SMAD9: variants seen among roughly 807,000 people sequenced by gnomAD.
SMAD9 encodes the protein MAD homolog 9.
A neutral mutation model predicts 46.1 loss-of-function variants in SMAD9; 36 were observed. That is an observed-to-expected ratio of 0.78 (90% CI 0.60 to 1.03). The LOEUF (loss-of-function observed/expected upper bound fraction) is 1.03, where lower values mean the gene tolerates loss of function less well. Ranked by LOEUF, SMAD9 falls within the 50% of genes least tolerant of loss-of-function variation. SMAD9 has a pLI of 0.00. For synonymous variants in SMAD9, 245 were observed against 237.1 expected, an observed-to-expected ratio of 1.03 and a Z score of -0.31; for missense variants, 572 against 599.8, an observed-to-expected ratio of 0.95 and a Z score of 0.48.
rs552330205 is a variant in SMAD9, at chr13:36,872,706, G to A, written c.622C>T (p.His208Tyr). 1 of 1,614,030 alleles carries A rather than the reference G, an allele frequency of 6.2e-7. No homozygotes were observed. The stretch of plus-strand genomic sequence containing the variant: ...GGCTCAGAAGGACTTCCTGGGGAGT[G>A]AGGGTAGCTGGCCGTGCACGGGGAC... The part of the protein sequence containing the change: ...SQSPCTASYP[H>Y]SPGSPSEPES... Residue 208 changes from histidine to tyrosine, a missense_variant, in exon 3 of 7, where the codon CAC becomes TAC. By Grantham distance (83) the His-to-Tyr change is moderately conservative. Transcript: ENST00000379826.
chr13:36,871,291 G>T (rs1041749479), intron 3 of SMAD9, among the ~76,000 whole-genome samples: 32 of 152,174 alleles, frequency 2.1e-4, no homozygotes, highest in Admixed American at 1.7e-3. Flanking sequence ...GCCGAGGTGG[G>T]CAGATCACCT....
At chr13:36,875,545 T>A (rs996498562) in intron 2 of SMAD9, among the ~76,000 whole-genome samples, 2 of 152,156 alleles carry the variant, frequency 1.3e-5, no homozygotes, top group Non-Finnish European at 2.9e-5. Flanking sequence ...TTCCCCTTAA[T>A]GTATTCATAT....
chr13:36,906,431 T>C (rs1247760374), intron 1 of SMAD9, among the ~76,000 whole-genome samples: 2 of 152,138 alleles, frequency 1.3e-5, no homozygotes, highest in African/African-American at 4.8e-5. Flanking sequence ...AACCATATTC[T>C]ATGCAAATCA....
chr13:36,859,336 T>C (rs531221234), intron 5 of SMAD9, among the ~76,000 whole-genome samples: 2 of 152,158 alleles, frequency 1.3e-5, no homozygotes, highest in South Asian at 2.1e-4. Flanking sequence ...TGAAACAGAG[T>C]GACTCCGTCT....
rs1370195864 is a variant in SMAD9, at chr13:36,848,159, CCTAT to C, written c.*513_*516del. The C allele has an allele frequency of 6.4e-6, 1 of 156,274 alleles. No homozygotes were observed. Among genetic ancestry groups the C allele is most frequent in the Non-Finnish European group, 1.4e-5 (1 of 70,712 alleles). The allele number at this position is 156,274 out of a possible 1,614,324, so 9.7% of individuals were successfully genotyped here. A position where few individuals can be genotyped will look rare whatever the true frequency, so the allele number is the denominator to read the frequency against. ...AACCTTAGAAATAAAGTTTCTATGG[CCTAT>C]CTCATTAATTCATTGTACAAGTTTG... On this transcript the variant is annotated 3_prime_UTR_variant, in exon 7 of 7. Transcript: ENST00000379826.
chr13:36,900,684 T>TACACACAC (rs58756918), intron 1 of SMAD9, among the ~76,000 whole-genome samples: 3,131 of 142,816 alleles, frequency 0.022, 40 homozygotes, highest in South Asian at 0.044. Context: ...TCATTATGAC[T>TACACACAC]ACACACACAC....
At chr13:36,904,396 C>A (rs1429019903) in intron 1 of SMAD9, among the ~76,000 whole-genome samples, 1 of 152,182 alleles carries the variant, frequency 6.6e-6, no homozygotes, top group Non-Finnish European at 1.5e-5. Context: ...AGGTGCGAAT[C>A]GCTCTATCCA....
intron 5 of SMAD9, among the ~76,000 whole-genome samples, chr13:36,861,995 G>GCAATCTTT (rs2058187018): frequency 6.6e-6 from 1 of 151,728 alleles, no homozygotes. Flanking sequence ...GAACAGCCAG[G>GCAATCTTT]CAATCTTTTC....
chr13:36,856,798 CTTTTTT>C (rs34107763), intron 5 of SMAD9, among the ~76,000 whole-genome samples: 2 of 123,408 alleles, frequency 1.6e-5, no homozygotes, highest in East Asian at 2.4e-4. Context: ...GTGACCTGCA[CTTTTTT>C]TTTTTTTTTT....
chr13:36,855,431 GAATATTA>G (rs1159482665), intron 5 of SMAD9, among the ~76,000 whole-genome samples: 1 of 151,974 alleles, frequency 6.6e-6, no homozygotes, highest in Non-Finnish European at 1.5e-5. Flanking sequence ...CTAGTCTAGT[GAATATTA>G]AATATCAGAA....
chr13:36,906,022 A>C (rs2138665653), intron 1 of SMAD9, among the ~76,000 whole-genome samples: 1 of 152,244 alleles, frequency 6.6e-6, no homozygotes, highest in East Asian at 1.9e-4. Flanking sequence ...ATCAAACGAA[A>C]GTTTTAAATA....
At chr13:36,880,710 T>G (rs185485111) in intron 1 of SMAD9, among the ~76,000 whole-genome samples, 13 of 152,150 alleles carry the variant, frequency 8.5e-5, no homozygotes, top group African/African-American at 3.1e-4. Flanking sequence ...CATAACACAA[T>G]AGAGTATATG....
At chr13:36,890,573 C>T (rs991173364) in intron 1 of SMAD9, among the ~76,000 whole-genome samples, 4 of 152,152 alleles carry the variant, frequency 2.6e-5, no homozygotes, top group African/African-American at 9.7e-5. Context: ...GGTGGAACAG[C>T]TTAGCTTGAA....
At chr13:36,902,226 T>C (rs2058582150) in intron 1 of SMAD9, among the ~76,000 whole-genome samples, 1 of 152,182 alleles carries the variant, frequency 6.6e-6, no homozygotes, top group Non-Finnish European at 1.5e-5. Flanking sequence ...GCACCATTTG[T>C]TGAAGACATT....
chr13:36,853,296 A>G lies in SMAD9; in HGVS notation c.1260+123T>C, dbSNP rs952739173. On this transcript the variant is annotated intron_variant, in intron 6 of 6. Transcript: ENST00000379826. ...TGAAACTCCGTCTCAAAAAATAATAATAATAATAAATTGGTTTTGTCTATC... is the reference window on the plus strand; with the variant it reads ...TGAAACTCCGTCTCAAAAAATAATAGTAATAATAAATTGGTTTTGTCTATC... 8.9e-6 allele frequency: 8 copies of G among 894,966 alleles called. No homozygotes were observed. The East Asian group carries it at 1.3e-4, about 15-fold the overall frequency. The allele number at this position is 894,966 out of a possible 1,614,324, so 55.4% of individuals were successfully genotyped here.
chr13:36,897,166 T>C (rs554408982), intron 1 of SMAD9, among the ~76,000 whole-genome samples: 2 of 152,246 alleles, frequency 1.3e-5, no homozygotes, highest in East Asian at 1.9e-4. Flanking sequence ...GCTATTATTA[T>C]GAAAATTCAA....
chr13:36,902,565 T>G (rs1335126842), intron 1 of SMAD9, among the ~76,000 whole-genome samples: 1 of 152,072 alleles, frequency 6.6e-6, no homozygotes, highest in African/African-American at 2.4e-5. Context: ...GCGATTCTCC[T>G]GCCTCAGCCT....
chr13:36,892,560 T>C (rs566585438), intron 1 of SMAD9, among the ~76,000 whole-genome samples: 1 of 152,312 alleles, frequency 6.6e-6, no homozygotes, highest in African/African-American at 2.4e-5. Flanking sequence ...TTAACCATCA[T>C]TTGTCCTTTA....
intron 1 of SMAD9, among the ~76,000 whole-genome samples, chr13:36,907,064 T>A (rs775665957): frequency 3.9e-5 from 6 of 152,166 alleles, no homozygotes; most frequent in Non-Finnish European, 8.8e-5. Flanking sequence ...TAAAAAGGAA[T>A]GAAATTTTGA....
Sources: allele counts gnomAD v4.1 joint callset (sites outside exome capture counted in the v4.1 genomes callset), GRCh38; gene constraint gnomAD v4.1.1; transcripts MANE v1.5; gene names NCBI Gene and HGNC (gene_info 2026-07-23, HGNC 2026-07-21).